Variants in PPP1R13B observed in about 807,000 individuals in gnomAD.
PPP1R13B encodes protein phosphatase 1 regulatory subunit 13B, also known as apoptosis-stimulating of p53 protein 1.
PPP1R13B carries 44 observed loss-of-function variants against 119.8 expected under a neutral mutation model. The ratio of observed to expected loss-of-function variants is 0.37; its 90% CI spans 0.29 to 0.47. The LOEUF (loss-of-function observed/expected upper bound fraction) is 0.47. Among genes scored for constraint, PPP1R13B ranks in the 20% least tolerant of loss-of-function variants. The pLI, the probability that PPP1R13B is intolerant of heterozygous loss-of-function variation, is 0.99. For synonymous variants in PPP1R13B, 542 were observed against 561.5 expected, an observed-to-expected ratio of 0.97 and a Z score of 0.49; for missense variants, 1,227 against 1,413.5, an observed-to-expected ratio of 0.87 and a Z score of 2.12.
At chr14:103,794,649 A>C (rs1295589792) in intron 2 of PPP1R13B, 3 of 446,832 alleles carry the variant, frequency 6.7e-6, no homozygotes, top group Non-Finnish European at 1.3e-5. Flanking sequence ...GTTTTATGTG[A>C]GGGTTCTCTG....
chr14:103,800,579 CG>C (rs955869467), intron 1 of PPP1R13B, among the ~76,000 whole-genome samples: 3 of 151,104 alleles, frequency 2.0e-5, no homozygotes, highest in Admixed American at 1.3e-4. Context: ...ACTTGAACCC[CG>C]GGGGGCAGAG....
At chr14:103,787,650 ATTT>A (rs751638213) in intron 2 of PPP1R13B, among the ~76,000 whole-genome samples, 17 of 113,646 alleles carry the variant, frequency 1.5e-4, no homozygotes, top group African/African-American at 4.8e-4. Flanking sequence ...TAATTGCTAC[ATTT>A]TTTTTTTTTT....
chr14:103,816,163 CT>C (rs752578058), intron 1 of PPP1R13B, among the ~76,000 whole-genome samples: 503 of 142,416 alleles, frequency 3.5e-3, no homozygotes, highest in Middle Eastern at 7.2e-3. Context: ...ATGAAAACAA[CT>C]TTTTTTTTTT....
chr14:103,738,593 C>T lies in PPP1R13B; in HGVS notation c.2864+86G>A. ...TCTTGCTCTAATTCTCTCTTCCGTG[C>T]TTCCTAATTGTCTAGAACACGCCTG... On this transcript the variant is annotated intron_variant, in intron 14 of 16. Transcript: ENST00000202556. This position sits in a 1 kb window ranked among gnomAD's most constrained non-coding sequence, Gnocchi z 5.6. 6.4e-7 allele frequency: 1 copy of T among 1,556,948 alleles called. No individual in the cohort carries two copies. Among genetic ancestry groups the T allele is most frequent in the Non-Finnish European group, 8.8e-7 (1 of 1,141,378 alleles).
chr14:103,756,730 A>G (rs2084685748), intron 5 of PPP1R13B, among the ~76,000 whole-genome samples: 2 of 152,032 alleles, frequency 1.3e-5, no homozygotes, highest in Admixed American at 1.3e-4. Context: ...AAAAGGAGAT[A>G]ACAAAAGCAC....
intron 1 of PPP1R13B, chr14:103,846,737 C>G (rs1350382865): frequency 6.6e-6 from 3 of 456,208 alleles, no homozygotes; most frequent in African/African-American, 6.0e-5. Context: ...GTTCAACCTT[C>G]AGAACACGGA....
Position 103,733,481 on chromosome 14 carries a change from A to AGACTT in PPP1R13B, c.*1668_*1672dup, listed in dbSNP as rs2084007954. The AGACTT allele has an allele frequency of 1.3e-5, 2 of 156,986 alleles. No homozygotes were observed. The highest frequency in any genetic ancestry group is 1.4e-5 in the Non-Finnish European group (1 of 70,858). The allele number at this position is 156,986 out of a possible 1,614,324, so 9.7% of individuals were successfully genotyped here. A position where few individuals can be genotyped will look rare whatever the true frequency, so the allele number is the denominator to read the frequency against. On this transcript the variant is annotated 3_prime_UTR_variant, in exon 17 of 17. Coordinates refer to ENST00000202556, the MANE Select transcript of PPP1R13B (RefSeq NM_015316.3). The stretch of plus-strand genomic sequence containing the variant: ...CAGCACTTGCCTTAGCCTGTTTCAC[A>AGACTT]GACTTGTCCACTTACCTTGTCACTA...
chr14:103,757,834 A>C, intron 4 of PPP1R13B, 83 bp from the exon 5 acceptor site: 1 of 1,151,850 alleles, frequency 8.7e-7, no homozygotes, highest in Non-Finnish European at 1.3e-6. Context: ...ACATATCAGG[A>C]CTTTAGATAG....
intron 1 of PPP1R13B, among the ~76,000 whole-genome samples, chr14:103,806,589 T>C (rs1038723714): frequency 4.6e-5 from 7 of 152,104 alleles, no homozygotes; most frequent in South Asian, 2.1e-4. Flanking sequence ...CTGGCCCTGA[T>C]TGCAACTCAG....
chr14:103,777,052 G>A (rs1023292089), intron 4 of PPP1R13B, among the ~76,000 whole-genome samples: 3 of 151,706 alleles, frequency 2.0e-5, no homozygotes, highest in African/African-American at 7.3e-5. Context: ...GAGTGCAGTG[G>A]CACGATCTCG....
intron 1 of PPP1R13B, among the ~76,000 whole-genome samples, chr14:103,801,801 T>C (rs1027272980): frequency 2.0e-5 from 3 of 152,090 alleles, no homozygotes; most frequent in Non-Finnish European, 4.4e-5. Flanking sequence ...ATGCCCTAAG[T>C]TGAGAAAAAA....
At chr14:103,735,690 G>A (rs2084090389) in intron 16 of PPP1R13B, among the ~76,000 whole-genome samples, 2 of 152,204 alleles carry the variant, frequency 1.3e-5, no homozygotes, top group South Asian at 2.1e-4. Flanking sequence ...TTTCTAGATT[G>A]GGGAAAGTGT....
At chr14:103,786,143 G>A (rs1389403935) in intron 2 of PPP1R13B, among the ~76,000 whole-genome samples, 3 of 152,072 alleles carry the variant, frequency 2.0e-5, no homozygotes, top group African/African-American at 4.8e-5. Context: ...GGGCTCAAGC[G>A]ATCCTCCCAC....
chr14:103,740,714 T>C lies in PPP1R13B; in HGVS notation c.1823-121A>G, dbSNP rs1163644239. The C allele has an allele frequency of 1.2e-6, 1 of 843,388 alleles. No individual in the cohort carries two copies. The highest frequency in any genetic ancestry group is 1.6e-6 in the Non-Finnish European group (1 of 617,010). The allele number at this position is 843,388 out of a possible 1,614,324, so 52.2% of individuals were successfully genotyped here. ...CACACATATACATCTGCTGCTGTTATTCAATTCTCATTTCAAATCTCTGAG... is the reference window on the plus strand; with the variant it reads ...CACACATATACATCTGCTGCTGTTACTCAATTCTCATTTCAAATCTCTGAG... On this transcript the variant is annotated intron_variant, in intron 11 of 16. Transcript: ENST00000202556. The surrounding 1 kb of genome is among the most constrained non-coding windows in gnomAD (Gnocchi z 4.6).
intron 1 of PPP1R13B, among the ~76,000 whole-genome samples, chr14:103,830,406 T>C (rs566208287): frequency 6.6e-6 from 1 of 152,286 alleles, no homozygotes; most frequent in Admixed American, 6.5e-5. Flanking sequence ...TCTTTTAGGT[T>C]CTTTTTATGT....
intron 4 of PPP1R13B, among the ~76,000 whole-genome samples, chr14:103,767,569 C>T (rs1330529666): frequency 1.3e-5 from 2 of 152,106 alleles, no homozygotes; most frequent in Non-Finnish European, 2.9e-5. Flanking sequence ...CAGGCCAGCA[C>T]CACAGAGATC....
intron 1 of PPP1R13B, among the ~76,000 whole-genome samples, chr14:103,830,512 A>G (rs1477407150): frequency 1.3e-5 from 2 of 152,334 alleles, no homozygotes; most frequent in East Asian, 3.9e-4. Context: ...GAAATTAAGT[A>G]ACTCACCCAA....
At chr14:103,815,596 A>T (rs1318794466) in intron 1 of PPP1R13B, among the ~76,000 whole-genome samples, 1 of 151,922 alleles carries the variant, frequency 6.6e-6, no homozygotes, top group Non-Finnish European at 1.5e-5. Context: ...TCTCTACTAA[A>T]AATACAAAAA....
intron 9 of PPP1R13B, among the ~76,000 whole-genome samples, chr14:103,743,360 C>T (rs1360341172): frequency 1.3e-5 from 2 of 152,206 alleles, no homozygotes; most frequent in Admixed American, 1.3e-4. Context: ...CACTGATTTG[C>T]GTAGCAGGAG....
Sources: gnomAD v4.1 joint callset for allele counts (sites outside exome capture counted in the v4.1 genomes callset) on GRCh38, gnomAD v4.1.1 for gene constraint, Gnocchi (gnomAD v3.1) non-coding constraint, MANE v1.5 for transcripts, NCBI Gene and HGNC (gene_info 2026-07-23, HGNC 2026-07-21) for gene names.